ALDH2: variants seen among roughly 807,000 people sequenced by gnomAD.
ALDH2 encodes aldehyde dehydrogenase 2 family member.
ALDH2 carries 44 observed loss-of-function variants against 59.6 expected under a neutral mutation model. The observed-to-expected ratio is 0.74, with a 90% CI of 0.58 to 0.95. The LOEUF (loss-of-function observed/expected upper bound fraction) is 0.95, where lower values mean the gene tolerates loss of function less well. Among genes scored for constraint, ALDH2 ranks in the 40% least tolerant of loss-of-function variants. ALDH2 has a pLI of 0.00. For missense variants in ALDH2, 570 were observed against 696.3 expected, an observed-to-expected ratio of 0.82 and a Z score of 2.04; for synonymous variants, 291 against 284.0, an observed-to-expected ratio of 1.02 and a Z score of -0.25.
intron 1 of ALDH2, among the ~76,000 whole-genome samples, chr12:111,772,883 C>T (rs2068211322): frequency 1.3e-5 from 2 of 150,896 alleles, no homozygotes; most frequent in African/African-American, 4.9e-5. Context: ...GGTGGCCGGG[C>T]ATGGCAGCTC....
chr12:111,783,060 A>G (rs964719411), intron 2 of ALDH2, 98 bp from the exon 3 acceptor site: 2 of 1,478,908 alleles, frequency 1.4e-6, no homozygotes, highest in Non-Finnish European at 1.8e-6. Flanking sequence ...GTGCAGCGAT[A>G]TGCTGATGAC....
At chr12:111,782,151 G>A (rs1443488885) in intron 2 of ALDH2, 129 bp downstream of exon 2, 14 of 677,116 alleles carry the variant, frequency 2.1e-5, no homozygotes, top group African/African-American at 2.0e-4. Flanking sequence ...GAAAAATTCC[G>A]AGTAAATTAA....
In ALDH2 at chr12:111,814,014, A is replaced by T. The variant is rs2068553517; in HGVS notation, c.*4439A>T. ...TGGGAGGCCGAGGTGGGCGGATCACATGAGGTCAAGAGTTCGAGACTAGCC... is the reference window on the plus strand; with the variant it reads ...TGGGAGGCCGAGGTGGGCGGATCACTTGAGGTCAAGAGTTCGAGACTAGCC... On this transcript the variant is annotated 3_prime_UTR_variant, in exon 13 of 13. Coordinates refer to ENST00000261733, the MANE Select transcript of ALDH2 (RefSeq NM_000690.4). The T allele has an allele frequency of 6.6e-6, 1 of 152,230 alleles. No homozygotes were observed. The highest frequency in any genetic ancestry group is 6.5e-5 in the Admixed American group (1 of 15,270). 9.4% of individuals were successfully genotyped at this position (152,230 alleles called of 1,614,324 possible). A position where few individuals can be genotyped will look rare whatever the true frequency, so the allele number is the denominator to read the frequency against.
At position 111,799,772 on chromosome 12, in the gene ALDH2, G is replaced by A. The variant is rs572197063; in HGVS notation, c.1249-134G>A. 3.5e-5 allele frequency: 39 copies of A among 1,106,566 alleles called. No homozygotes were observed. The East Asian group carries it at 1.0e-3, about 29-fold the overall frequency. The allele number at this position is 1,106,566 out of a possible 1,614,324, so 68.5% of individuals were successfully genotyped here. A position where few individuals can be genotyped will look rare whatever the true frequency, so the allele number is the denominator to read the frequency against. ...TGTTCTGCTGAGCTTGATGGCTGTTGTCTTCCCCTGGAACTGTTAGAGCAT... is the reference window on the plus strand; with the variant it reads ...TGTTCTGCTGAGCTTGATGGCTGTTATCTTCCCCTGGAACTGTTAGAGCAT... On this transcript the variant is annotated intron_variant, in intron 10 of 12. Transcript: ENST00000261733.
At chr12:111,786,385 C>T (rs931379370) in intron 4 of ALDH2, among the ~76,000 whole-genome samples, 5 of 151,858 alleles carry the variant, frequency 3.3e-5, no homozygotes, top group Non-Finnish European at 7.4e-5. Flanking sequence ...TACAGGCGCC[C>T]GCCACCATGC....
rs571106658 is a variant in ALDH2 at position 111,809,922 on chromosome 12, A to T, written c.*347A>T. ...TTACAATTATATCACCATTAAGGCA[A>T]CTGCTACACCCTGCTTTGTATTCTG... is the stretch of plus-strand genomic sequence containing the variant. On this transcript the variant is annotated 3_prime_UTR_variant, in exon 13 of 13. Coordinates refer to ENST00000261733, the MANE Select transcript of ALDH2 (RefSeq NM_000690.4). 36 of 365,380 alleles carry T rather than the reference A, an allele frequency of 9.9e-5. No individual in the cohort carries two copies. The South Asian group carries it at 1.0e-3, about 11-fold the overall frequency. 22.6% of individuals were successfully genotyped at this position (365,380 alleles called of 1,614,324 possible). A position where few individuals can be genotyped will look rare whatever the true frequency, so the allele number is the denominator to read the frequency against.
At chr12:111,804,803 A>G (rs1371121716) in intron 12 of ALDH2, among the ~76,000 whole-genome samples, 1 of 152,074 alleles carries the variant, frequency 6.6e-6, no homozygotes, top group Middle Eastern at 3.2e-3. Context: ...GAATGGAGCA[A>G]TTCCCACAGT....
chr12:111,771,408 A>G (rs1259047091), intron 1 of ALDH2, among the ~76,000 whole-genome samples: 2 of 152,148 alleles, frequency 1.3e-5, no homozygotes, highest in Admixed American at 1.3e-4. Context: ...ACCATACAGA[A>G]ATGTTCATTG....
intron 1 of ALDH2, among the ~76,000 whole-genome samples, chr12:111,771,286 A>G (rs2068197841): frequency 6.6e-6 from 1 of 152,128 alleles, no homozygotes; most frequent in Non-Finnish European, 1.5e-5. Context: ...AGTCACAGCT[A>G]CTTGGGCGGC....
At chr12:111,787,662 G>A (rs1188478831) in intron 4 of ALDH2, among the ~76,000 whole-genome samples, 4 of 152,104 alleles carry the variant, frequency 2.6e-5, no homozygotes, top group South Asian at 2.1e-4. Flanking sequence ...TTGGGAGGCC[G>A]AGCTGGGTGG....
chr12:111,791,510 T>G, intron 7 of ALDH2, 91 bp downstream of exon 7: 4 of 983,636 alleles, frequency 4.1e-6, no homozygotes, highest in Non-Finnish European at 6.3e-6. Flanking sequence ...AGCTCCCGGG[T>G]GTCAAGCGGA....
chr12:111,789,049 G>A (rs1348979503), intron 4 of ALDH2, among the ~76,000 whole-genome samples: 24 of 134,448 alleles, frequency 1.8e-4, no homozygotes, highest in Admixed American at 1.7e-3. Context: ...ACAGAGTCTC[G>A]CTCTGTTGCC....
At position 111,791,294 on chromosome 12, in the gene ALDH2, G is replaced by A. The variant is rs778442341; in HGVS notation, c.682-12G>A. On this transcript the variant is annotated splice_polypyrimidine_tract_variant and intron_variant, in intron 6 of 12. Coordinates refer to ENST00000261733, the MANE Select transcript of ALDH2 (RefSeq NM_000690.4). Reference sequence around the variant, plus strand: ...GGGTGACTCCCAATGTCCCCTGGCTGTTTGCTCACAGGCTGGCTTTCCCCC... The same window carrying A: ...GGGTGACTCCCAATGTCCCCTGGCTATTTGCTCACAGGCTGGCTTTCCCCC... The A allele has an allele frequency of 2.0e-5, 32 of 1,607,864 alleles. No homozygotes were observed. Among genetic ancestry groups the A allele is most frequent in the Non-Finnish European group, 2.2e-5 (26 of 1,175,168 alleles).
At chr12:111,783,033 T>C (rs2068284290) in intron 2 of ALDH2, 125 bp from the exon 3 acceptor site, 1 of 1,269,656 alleles carries the variant, frequency 7.9e-7, no homozygotes, top group African/African-American at 1.5e-5. Flanking sequence ...GAGCATTGTT[T>C]ACGGGGCAGG....
At chr12:111,787,786 C>T (rs541764512) in intron 4 of ALDH2, among the ~76,000 whole-genome samples, 19 of 152,146 alleles carry the variant, frequency 1.2e-4, no homozygotes, top group Admixed American at 6.6e-4. Context: ...AATCCCAGCA[C>T]TTTGGGAGGT....
chr12:111,789,017 CT>C (rs1224537015), intron 4 of ALDH2, among the ~76,000 whole-genome samples: 2,371 of 125,152 alleles, frequency 0.019, 58 homozygotes, highest in African/African-American at 0.062. Context: ...TCTTTCTTTT[CT>C]TTTTTTTTTT....
chr12:111,773,547 C>T (rs990961418), intron 1 of ALDH2, among the ~76,000 whole-genome samples: 1 of 152,222 alleles, frequency 6.6e-6, no homozygotes, highest in African/African-American at 2.4e-5. Context: ...GGTAGTATTG[C>T]TGTCCCGTCT....
At chr12:111,792,551 T>G (rs762937320) in intron 8 of ALDH2, 47 bp from the exon 9 acceptor site, 4 of 1,581,690 alleles carry the variant, frequency 2.5e-6, no homozygotes, top group Non-Finnish European at 3.4e-6. Flanking sequence ...AGGGCCAGGG[T>G]CCTCCTCCTC....
At position 111,803,894 on chromosome 12, in the gene ALDH2, C is replaced by A; in HGVS notation, c.1442C>A (p.Pro481His). ...TATGATGTGTTTGGAGCCCAGTCAC[C>A]CTTTGGTGGCTACAAGATGTCGGGG... ...NCYDVFGAQS[P>H]FGGYKMSGSG... The change falls in exon 12 of 13, where the codon CCC (proline) becomes CAC (histidine). Residue 481 changes from proline to histidine, a missense_variant. By Grantham distance (77) the Pro-to-His change is moderately conservative. Transcript: ENST00000261733. 1 of 1,613,256 alleles carries A rather than the reference C, an allele frequency of 6.2e-7. No homozygotes were observed. The highest frequency in any genetic ancestry group is 8.5e-7 in the Non-Finnish European group (1 of 1,179,632).
Sources: gnomAD v4.1 joint callset for allele counts (sites outside exome capture counted in the v4.1 genomes callset) on GRCh38, gnomAD v4.1.1 for gene constraint, MANE v1.5 for transcripts, NCBI Gene and HGNC (gene_info 2026-07-23, HGNC 2026-07-21) for gene names.